CSMD3: variants seen among roughly 807,000 people sequenced by gnomAD.
The protein encoded by CSMD3 is CUB and Sushi multiple domains 3.
CSMD3 carries 177 observed loss-of-function variants against 435.2 expected under a neutral mutation model. The ratio of observed to expected loss-of-function variants is 0.41; its 90% confidence interval spans 0.36 to 0.46. The LOEUF (loss-of-function observed/expected upper bound fraction) is 0.46, where lower values mean the gene tolerates loss of function less well. Among genes scored for constraint, CSMD3 ranks in the 20% least tolerant of loss-of-function variants. The pLI is 0.34. For missense variants in CSMD3, 4,265 were observed against 4,504.6 expected (o/e 0.95, Z 1.52); for synonymous variants, 1,656 against 1,520.5 (o/e 1.09, Z -2.07).
chr8:112,986,534 C>T (rs2085259842), intron 6 of CSMD3, among the ~76,000 whole-genome samples: 1 of 152,028 alleles, frequency 6.6e-6, no homozygotes, highest in African/African-American at 2.4e-5. Flanking sequence ...TTATTTTATT[C>T]CAAATATATT....
rs772689538 is a variant in CSMD3 at position 112,265,458 on chromosome 8, G to A, written c.9641C>T (p.Thr3214Ile). Reference sequence around the variant, plus strand: ...ACTCCATGTGCCATTAATTGTACAAGTCCTGATTCTGGAGCCATTCAATTC... The same window carrying A: ...ACTCCATGTGCCATTAATTGTACAAATCCTGATTCTGGAGCCATTCAATTC... ...TMELNGSRIR[T>I]CTINGTWSGV... Residue 3214 changes from threonine to isoleucine, a missense_variant, in exon 60 of 71, where the codon ACT (threonine) becomes ATT (isoleucine). Thr to Ile is a moderately conservative substitution (Grantham distance 89). Around this residue, in one of 3 missense-constraint regions of CSMD3, gnomAD observed 3,255 missense variants for 3,380.2 expected, o/e 0.96. Transcript: ENST00000297405. The A allele has an allele frequency of 5.6e-6, 9 of 1,613,694 alleles. No individual in the cohort carries two copies. The highest frequency in any genetic ancestry group is 7.6e-6 in the Non-Finnish European group (9 of 1,179,714).
intron 10 of CSMD3, among the ~76,000 whole-genome samples, chr8:112,904,493 T>C (rs2082199517): frequency 6.6e-6 from 1 of 151,420 alleles, no homozygotes; most frequent in African/African-American, 2.4e-5. Context: ...ACTAAGGAGA[T>C]CTTGCCAATA....
chr8:112,503,515 A>G (rs1039760797), intron 30 of CSMD3, among the ~76,000 whole-genome samples: 1 of 152,064 alleles, frequency 6.6e-6, no homozygotes, highest in Non-Finnish European at 1.5e-5. Flanking sequence ...TTATTTTTTA[A>G]TGTTGTGTGG....
At chr8:112,635,739 T>C (rs1274369096) in intron 22 of CSMD3, among the ~76,000 whole-genome samples, 1 of 152,180 alleles carries the variant, frequency 6.6e-6, no homozygotes, top group Non-Finnish European at 1.5e-5. Flanking sequence ...TGGCTTGATT[T>C]GTGGTTCCAC....
At chr8:112,669,278 G>T (rs1289295192) in intron 16 of CSMD3, among the ~76,000 whole-genome samples, 1 of 152,008 alleles carries the variant, frequency 6.6e-6, no homozygotes, top group Non-Finnish European at 1.5e-5. Context: ...TGATCCACCT[G>T]TCTTGGCCTC....
At chr8:112,885,309 A>C (rs2081558274) in intron 10 of CSMD3, among the ~76,000 whole-genome samples, 1 of 151,594 alleles carries the variant, frequency 6.6e-6, no homozygotes, top group South Asian at 2.1e-4. Context: ...CCTTCTAAGA[A>C]AGATTGAGCT....
chr8:112,915,233 G>T (rs183117207), intron 10 of CSMD3, among the ~76,000 whole-genome samples: 1 of 151,806 alleles, frequency 6.6e-6, no homozygotes, highest in East Asian at 1.9e-4. Context: ...TTACATTTCA[G>T]ATTTTTTTCA....
At position 112,333,993 on chromosome 8, in the gene CSMD3, T is replaced by C. The variant is rs1475974907; in HGVS notation, c.7165+1336A>G. 5.9e-5 allele frequency among the ~76,000 whole-genome samples: 9 copies of C among 152,196 alleles called. No individual in the cohort carries two copies. In the South Asian group the frequency reaches 1.9e-3, roughly 32 times the overall value. On this transcript the variant is annotated intron_variant, in intron 45 of 70. Coordinates refer to ENST00000297405, the MANE Select transcript of CSMD3 (RefSeq NM_198123.2). ...AAGTAATAATTCTATTGTTTCAGCCTTAGGCTATATCTGCAAACTGCCAGC... is the reference window on the plus strand; with the variant it reads ...AAGTAATAATTCTATTGTTTCAGCCCTAGGCTATATCTGCAAACTGCCAGC...
At chr8:112,947,372 G>T (rs1219991298) in intron 9 of CSMD3, among the ~76,000 whole-genome samples, 1 of 151,590 alleles carries the variant, frequency 6.6e-6, no homozygotes, top group Non-Finnish European at 1.5e-5. Flanking sequence ...TTGCTGGAAG[G>T]TTTTACAGGA....
chr8:112,687,998 G>T (rs2076048781), intron 14 of CSMD3, among the ~76,000 whole-genome samples: 1 of 152,196 alleles, frequency 6.6e-6, no homozygotes, highest in Non-Finnish European at 1.5e-5. Context: ...ATCTTTTTCT[G>T]AAAAGGAGTA....
At chr8:112,440,502 G>C (rs1008722217) in intron 32 of CSMD3, among the ~76,000 whole-genome samples, 6 of 152,082 alleles carry the variant, frequency 3.9e-5, no homozygotes, top group Admixed American at 3.9e-4. Flanking sequence ...TCTTCTCACA[G>C]CTCCACTAGG....
At chr8:112,501,563 T>G (rs1821967201) in intron 30 of CSMD3, among the ~76,000 whole-genome samples, 1 of 152,224 alleles carries the variant, frequency 6.6e-6, no homozygotes, top group African/African-American at 2.4e-5. Context: ...CTGGAATTTC[T>G]GAAGCTCTCA....
intron 36 of CSMD3, among the ~76,000 whole-genome samples, chr8:112,386,481 C>T (rs1829960140): frequency 6.6e-6 from 1 of 151,978 alleles, no homozygotes; most frequent in African/African-American, 2.4e-5. Context: ...ACAGAAGACA[C>T]ATGAAAGCCA....
At chr8:112,742,596 A>C (rs773204835) in intron 13 of CSMD3, among the ~76,000 whole-genome samples, 1 of 151,980 alleles carries the variant, frequency 6.6e-6, no homozygotes, top group Non-Finnish European at 1.5e-5. Flanking sequence ...AATAGGTCAG[A>C]GAAGTTATTT....
chr8:113,052,324 C>G (rs905486129), intron 5 of CSMD3, among the ~76,000 whole-genome samples: 5 of 152,090 alleles, frequency 3.3e-5, no homozygotes, highest in African/African-American at 1.2e-4. Context: ...TTTCCTCTAG[C>G]CTTTCAACCT....
chr8:113,376,618 G>C, intron 1 of CSMD3: 4 of 1,121,896 alleles, frequency 3.6e-6, no homozygotes, highest in Non-Finnish European at 5.3e-6. Flanking sequence ...CTCATCAAAA[G>C]AAAGTTTACC....
At chr8:112,732,990 A>G (rs2077108243) in intron 13 of CSMD3, among the ~76,000 whole-genome samples, 1 of 152,160 alleles carries the variant, frequency 6.6e-6, no homozygotes. Context: ...CTAAGAGCAG[A>G]ATGTCTTTTA....
chr8:113,088,403 A>G (rs978894337), intron 5 of CSMD3, among the ~76,000 whole-genome samples: 3 of 148,718 alleles, frequency 2.0e-5, no homozygotes, highest in Non-Finnish European at 3.0e-5. Flanking sequence ...ATAAAGACAC[A>G]TGCACACGTA....
At chr8:112,789,531 C>T (rs2078634070) in intron 13 of CSMD3, among the ~76,000 whole-genome samples, 1 of 151,882 alleles carries the variant, frequency 6.6e-6, no homozygotes, top group Non-Finnish European at 1.5e-5. Flanking sequence ...ATCTGTGTAA[C>T]ATGCTTATAT....
Sources: gnomAD v4.1 joint callset for allele counts (sites outside exome capture counted in the v4.1 genomes callset) on GRCh38, gnomAD v4.1.1 for gene constraint, gnomAD v4.1.1 regional missense constraint, MANE v1.5 for transcripts, NCBI Gene and HGNC (gene_info 2026-07-23, HGNC 2026-07-21) for gene names.